The following PEX5L variants were observed in gnomAD, a reference collection of about 807,000 sequenced individuals.
The protein encoded by PEX5L is peroxisomal biogenesis factor 5 like.
In PEX5L, 30 loss-of-function variants were observed where a neutral mutation model predicts 84.0. That is an observed-to-expected ratio of 0.36 (90% confidence interval 0.27 to 0.48). The LOEUF (loss-of-function observed/expected upper bound fraction) is 0.48. Among genes scored for constraint, PEX5L ranks in the 20% least tolerant of loss-of-function variants. The pLI, the probability that PEX5L is intolerant of heterozygous loss-of-function variation, is 0.99. For missense variants in PEX5L, 533 were observed against 754.6 expected, an observed-to-expected ratio of 0.71 and a Z score of 3.44; for synonymous variants, 270 against 283.1, an observed-to-expected ratio of 0.95 and a Z score of 0.46.
chr3:179,850,792 T>C (rs746365984), intron 8 of PEX5L, among the ~76,000 whole-genome samples: 4 of 152,258 alleles, frequency 2.6e-5, no homozygotes, highest in Non-Finnish European at 5.9e-5. Context: ...TAGAATGGTT[T>C]AAGGAATGTT....
chr3:179,880,091 T>G lies in PEX5L; in HGVS notation c.343A>C (p.Ser115Arg). The change falls in exon 5 of 15, where the codon AGT becomes CGT. Residue 115 changes from serine (S) to arginine (R), a missense_variant. Physicochemically the swap from Ser to Arg is moderately radical, Grantham distance 110. Transcript: ENST00000467460. Reference sequence around the variant, plus strand: ...GTTTGGGTTTGAGAGACTGGTTCACTCAGGTCGAGGAGATCTAAGCCAGTG... The same window carrying G: ...GTTTGGGTTTGAGAGACTGGTTCACGCAGGTCGAGGAGATCTAAGCCAGTG... ...LTTGLDLLDL[S>R]EPVSQTQTKA... The G allele has an allele frequency of 6.2e-7, 1 of 1,612,928 alleles. No individual in the cohort carries two copies. Among genetic ancestry groups the G allele is most frequent in the South Asian group, 1.1e-5 (1 of 90,906 alleles).
rs550310437 is a variant in PEX5L at position 179,874,270 on chromosome 3, T to G, written c.726+57A>C. On this transcript the variant is annotated intron_variant, in intron 7 of 14. Coordinates refer to ENST00000467460, the MANE Select transcript of PEX5L (RefSeq NM_016559.3). ...TTGTACAAAATGAAAATAAAGCATTTATGCTATACACTATATATAGGGAAA... is the reference window on the plus strand; with the variant it reads ...TTGTACAAAATGAAAATAAAGCATTGATGCTATACACTATATATAGGGAAA... 26 of 966,290 alleles carry G rather than the reference T, an allele frequency of 2.7e-5. No homozygotes were observed. The East Asian group carries it at 6.5e-4, about 24-fold the overall frequency. 59.9% of individuals were successfully genotyped at this position (966,290 alleles called of 1,614,324 possible). A position where few individuals can be genotyped will look rare whatever the true frequency, so the allele number is the denominator to read the frequency against.
chr3:179,909,557 A>G (rs1425841825), intron 2 of PEX5L, among the ~76,000 whole-genome samples: 1 of 152,200 alleles, frequency 6.6e-6, no homozygotes, highest in Non-Finnish European at 1.5e-5. Flanking sequence ...CCACAAGCAG[A>G]TAATAACAAA....
At chr3:179,839,109 A>G (rs1020689998) in intron 8 of PEX5L, among the ~76,000 whole-genome samples, 2 of 152,130 alleles carry the variant, frequency 1.3e-5, no homozygotes, top group Non-Finnish European at 2.9e-5. Context: ...ATGAGATGCA[A>G]TGTTACTGAT....
intron 8 of PEX5L, among the ~76,000 whole-genome samples, chr3:179,837,753 C>G (rs911878839): frequency 6.6e-6 from 1 of 152,212 alleles, no homozygotes; most frequent in Admixed American, 6.5e-5. Context: ...TGTGCAGTTG[C>G]TGGCATTTCT....
In PEX5L at chr3:179,806,084, T is replaced by TTA. The variant is rs777212190; in HGVS notation, c.1676+1588_1676+1589dup. On this transcript the variant is annotated intron_variant, in intron 14 of 14. Transcript: ENST00000467460. ...AATTATAACAATTACATTATATGTT[T>TTA]TATATATATATATGTATTTTGTTTT... Among the ~76,000 whole-genome samples the TTA allele has an allele frequency of 3.0e-3, 459 of 150,664 alleles. 3 individuals carry two copies. Among genetic ancestry groups the TTA allele is most frequent in the African/African-American group, 6.9e-3 (285 of 41,238 alleles).
At chr3:179,825,699 C>A (rs546005224) in intron 8 of PEX5L, among the ~76,000 whole-genome samples, 1 of 152,286 alleles carries the variant, frequency 6.6e-6, no homozygotes, top group Non-Finnish European at 1.5e-5. Context: ...GTAATTCTGG[C>A]TAGGCTCCTT....
chr3:179,965,480 A>C (rs775516524), intron 2 of PEX5L, among the ~76,000 whole-genome samples: 27 of 152,204 alleles, frequency 1.8e-4, no homozygotes, highest in Non-Finnish European at 4.0e-4. Context: ...TCTTCTGCTT[A>C]GTAAGCGGCA....
chr3:179,841,405 G>C (rs1016131455), intron 8 of PEX5L, among the ~76,000 whole-genome samples: 1 of 152,084 alleles, frequency 6.6e-6, no homozygotes, highest in Non-Finnish European at 1.5e-5. Context: ...GAAACCTTCT[G>C]TCTCTGCCAG....
chr3:180,032,718 G>A (rs577827991), intron 1 of PEX5L, among the ~76,000 whole-genome samples: 2 of 152,266 alleles, frequency 1.3e-5, no homozygotes, highest in East Asian at 3.9e-4. Flanking sequence ...TCTGGGCATG[G>A]TGGCATGCAC....
intron 8 of PEX5L, among the ~76,000 whole-genome samples, chr3:179,828,173 G>C (rs1481306698): frequency 6.6e-6 from 1 of 151,990 alleles, no homozygotes; most frequent in Non-Finnish European, 1.5e-5. Context: ...TCTTTGGCTG[G>C]ATCCCTGCTT....
At chr3:179,855,953 G>A (rs1030116746) in intron 8 of PEX5L, among the ~76,000 whole-genome samples, 2 of 152,216 alleles carry the variant, frequency 1.3e-5, no homozygotes, top group African/African-American at 4.8e-5. Context: ...AATGGACTAA[G>A]ACAAACTCTA....
chr3:179,827,480 C>T (rs1005686851), intron 8 of PEX5L, among the ~76,000 whole-genome samples: 9 of 152,318 alleles, frequency 5.9e-5, no homozygotes, highest in Admixed American at 5.2e-4. Context: ...AGCCTTCAAG[C>T]CACTCTGACA....
chr3:179,871,313 GGCT>G (rs1750305085), intron 7 of PEX5L, among the ~76,000 whole-genome samples: 1 of 151,996 alleles, frequency 6.6e-6, no homozygotes, highest in Non-Finnish European at 1.5e-5. Flanking sequence ...ATGTTACCCA[GGCT>G]GCTTTCGAAC....
At chr3:179,908,034 G>A (rs1251048622) in intron 2 of PEX5L, among the ~76,000 whole-genome samples, 1 of 152,190 alleles carries the variant, frequency 6.6e-6, no homozygotes, top group East Asian at 1.9e-4. Flanking sequence ...CCATCTGCCT[G>A]TCTTCCCTGA....
At chr3:179,843,692 T>C (rs1213885338) in intron 8 of PEX5L, among the ~76,000 whole-genome samples, 1 of 152,270 alleles carries the variant, frequency 6.6e-6, no homozygotes, top group Admixed American at 6.5e-5. Flanking sequence ...GTTGATACTT[T>C]TGCATTTCCT....
At chr3:179,922,971 A>G (rs1770085298) in intron 2 of PEX5L, among the ~76,000 whole-genome samples, 1 of 152,018 alleles carries the variant, frequency 6.6e-6, no homozygotes, top group South Asian at 2.1e-4. Flanking sequence ...TTTGCTTTAA[A>G]TTCTCTGTGA....
chr3:179,827,368 A>C (rs1730921473), intron 8 of PEX5L, among the ~76,000 whole-genome samples: 1 of 152,170 alleles, frequency 6.6e-6, no homozygotes, highest in African/African-American at 2.4e-5. Flanking sequence ...TCCAGCCATC[A>C]GTCTCAGGGA....
At chr3:179,836,040 AC>A (rs1298372033) in intron 8 of PEX5L, among the ~76,000 whole-genome samples, 1 of 152,210 alleles carries the variant, frequency 6.6e-6, no homozygotes, top group African/African-American at 2.4e-5. Flanking sequence ...AGAAAAAATA[AC>A]CTTCCTAATT....
Sources: gnomAD v4.1 joint callset for allele counts (sites outside exome capture counted in the v4.1 genomes callset) on GRCh38, gnomAD v4.1.1 for gene constraint, MANE v1.5 for transcripts, NCBI Gene and HGNC (gene_info 2026-07-23, HGNC 2026-07-21) for gene names.